The following F13A1 variants were observed in gnomAD, a reference collection of about 807,000 sequenced individuals.
The protein encoded by F13A1 is FSF, A subunit.
F13A1 carries 47 observed loss-of-function variants against 80.1 expected under a neutral mutation model. The observed-to-expected ratio is 0.59, with a 90% CI of 0.46 to 0.75. The LOEUF is 0.75. Among genes scored for constraint, F13A1 ranks in the 30% least tolerant of loss-of-function variants. The pLI, the probability that F13A1 is intolerant of heterozygous loss-of-function variation, is 0.00. For missense variants in F13A1, 817 were observed against 930.4 expected, an observed-to-expected ratio of 0.88 and a Z score of 1.59; for synonymous variants, 349 against 344.9, an observed-to-expected ratio of 1.01 and a Z score of -0.13.
At chr6:6,293,253 G>A (rs1422494195) in intron 3 of F13A1, among the ~76,000 whole-genome samples, 1 of 152,028 alleles carries the variant, frequency 6.6e-6, no homozygotes, top group African/African-American at 2.4e-5. Flanking sequence ...GGGGAGACCT[G>A]GTAAGAAATA....
chr6:6,159,714 C>T (rs1005104096), intron 13 of F13A1, among the ~76,000 whole-genome samples: 1 of 152,152 alleles, frequency 6.6e-6, no homozygotes, highest in Non-Finnish European at 1.5e-5. Flanking sequence ...TGATACTTCC[C>T]ATGGATCTTG....
chr6:6,300,451 G>A (rs140056563), intron 3 of F13A1, among the ~76,000 whole-genome samples: 7,043 of 150,750 alleles, frequency 0.047, 547 homozygotes, highest in African/African-American at 0.14. Context: ...CTGATGCGCC[G>A]TTTTTTAAGC....
Position 6,174,820 on chromosome 6 carries a change from C to T in F13A1, c.1507G>A (p.Ala503Thr), listed in dbSNP as rs568468779. Reference protein sequence around the residue: ...LALETALMYGAKKPLNTEGVM... With the variant: ...LALETALMYGTKKPLNTEGVM... ...CCTTCTGTGTTGAGGGGCTTTTTAGCTCCGTACATCAGGGCAGTTTCTAGG... is the reference window on the plus strand; with the variant it reads ...CCTTCTGTGTTGAGGGGCTTTTTAGTTCCGTACATCAGGGCAGTTTCTAGG... Residue 503 changes from alanine (A) to threonine (T), a missense_variant, in exon 12 of 15, where the codon GCT (alanine) becomes ACT (threonine). Physicochemically the swap from Ala to Thr is moderately conservative, Grantham distance 58 (BLOSUM62 0). Coordinates refer to ENST00000264870, the MANE Select transcript of F13A1 (RefSeq NM_000129.4). The T allele has an allele frequency of 1.9e-6, 3 of 1,614,152 alleles. No individual in the cohort carries two copies. The highest frequency in any genetic ancestry group is 2.7e-5 in the African/African-American group (2 of 75,032).
At chr6:6,152,153 C>T (rs1338838777) in intron 13 of F13A1, among the ~76,000 whole-genome samples, 3 of 152,214 alleles carry the variant, frequency 2.0e-5, no homozygotes, top group Non-Finnish European at 4.4e-5. Flanking sequence ...GAATCGCACT[C>T]TTTTCCTCAT....
chr6:6,300,351 C>G (rs1423156148), intron 3 of F13A1, among the ~76,000 whole-genome samples: 1 of 151,084 alleles, frequency 6.6e-6, no homozygotes, highest in Non-Finnish European at 1.5e-5. Flanking sequence ...CTCTCTGCCG[C>G]CTTGCAGTTT....
intron 3 of F13A1, among the ~76,000 whole-genome samples, chr6:6,279,656 T>A (rs1395199761): frequency 6.6e-6 from 1 of 152,170 alleles, no homozygotes; most frequent in East Asian, 1.9e-4. Flanking sequence ...AAGAATCTCC[T>A]ACAGCAACTG....
intron 6 of F13A1, 42 bp downstream of exon 6, chr6:6,248,270 G>T: frequency 2.7e-6 from 4 of 1,497,198 alleles, no homozygotes; most frequent in South Asian, 2.3e-5. Flanking sequence ...TGAGGCAAAT[G>T]ACAGGTGTAA....
chr6:6,158,914 T>C (rs1046610252), intron 13 of F13A1, among the ~76,000 whole-genome samples: 3 of 118,256 alleles, frequency 2.5e-5, no homozygotes, highest in Admixed American at 2.4e-4. Flanking sequence ...TCTTTTTTTT[T>C]TTTTCGAGAC....
intron 2 of F13A1, among the ~76,000 whole-genome samples, chr6:6,310,077 C>A (rs778444415): frequency 7.2e-5 from 11 of 152,118 alleles, no homozygotes; most frequent in Non-Finnish European, 1.6e-4. Flanking sequence ...GCCTAGTGTA[C>A]CTGGTTAATG....
intron 8 of F13A1, among the ~76,000 whole-genome samples, 188 bp downstream of exon 8, chr6:6,221,845 C>G (rs1365472700): frequency 6.6e-6 from 1 of 152,090 alleles, no homozygotes; most frequent in African/African-American, 2.4e-5. Flanking sequence ...CACTAGGAAC[C>G]CAAACTGTCT....
chr6:6,153,991 G>A (rs1760429447), intron 13 of F13A1, among the ~76,000 whole-genome samples: 1 of 152,124 alleles, frequency 6.6e-6, no homozygotes, highest in African/African-American at 2.4e-5. Context: ...AGGATTTGAA[G>A]CTGCCAAATG....
intron 13 of F13A1, among the ~76,000 whole-genome samples, chr6:6,157,311 A>G (rs957536846): frequency 5.3e-5 from 8 of 152,200 alleles, no homozygotes; most frequent in Admixed American, 5.2e-4. Flanking sequence ...ATAAATAAAA[A>G]GCCTACAGAG....
At chr6:6,227,997 T>G (rs1757300202) in intron 6 of F13A1, among the ~76,000 whole-genome samples, 2 of 152,194 alleles carry the variant, frequency 1.3e-5, no homozygotes, top group Admixed American at 6.5e-5. Context: ...AGGGTTAAAA[T>G]AATATCTCCC....
At chr6:6,176,390 T>C (rs919963809) in intron 11 of F13A1, among the ~76,000 whole-genome samples, 1 of 152,212 alleles carries the variant, frequency 6.6e-6, no homozygotes, top group Non-Finnish European at 1.5e-5. Context: ...ACAGACACTA[T>C]TATTACCATC....
At chr6:6,190,733 G>C (rs1353202573) in intron 10 of F13A1, among the ~76,000 whole-genome samples, 2 of 152,122 alleles carry the variant, frequency 1.3e-5, no homozygotes, top group South Asian at 2.1e-4. Context: ...AGGCCTCCTT[G>C]AGCTGTGGTG....
intron 13 of F13A1, among the ~76,000 whole-genome samples, chr6:6,161,524 A>ATGTGTGTGTGTGTG (rs143895728): frequency 0.043 from 5,771 of 133,346 alleles, 161 homozygotes; most frequent in Non-Finnish European, 0.049. Context: ...CAGAGAGAGG[A>ATGTGTGTGTGTGTG]TGTGTGTGTG....
At chr6:6,218,921 G>A (rs954188646) in intron 8 of F13A1, among the ~76,000 whole-genome samples, 6 of 152,068 alleles carry the variant, frequency 3.9e-5, no homozygotes, top group African/African-American at 7.2e-5. Flanking sequence ...TTCTGGTTTC[G>A]GCAGGCTGGG....
intron 1 of F13A1, among the ~76,000 whole-genome samples, chr6:6,319,189 T>G (rs1192039648): frequency 6.6e-6 from 1 of 152,210 alleles, no homozygotes; most frequent in Non-Finnish European, 1.5e-5. Flanking sequence ...ATTGAGGGCC[T>G]ATGACATGCC....
intron 7 of F13A1, among the ~76,000 whole-genome samples, chr6:6,224,035 T>C (rs534953598): frequency 2.6e-5 from 4 of 152,308 alleles, no homozygotes; most frequent in African/African-American, 9.6e-5. Flanking sequence ...AAATGATGCA[T>C]GACACTGAAG....
Sources: allele counts gnomAD v4.1 joint callset (sites outside exome capture counted in the v4.1 genomes callset), GRCh38; gene constraint gnomAD v4.1.1; transcripts MANE v1.5; gene names NCBI Gene and HGNC (gene_info 2026-07-23, HGNC 2026-07-21).